MEGF11: variants seen among roughly 807,000 people sequenced by gnomAD.
MEGF11 encodes multiple epidermal growth factor-like domains protein 11.
In MEGF11, 126 loss-of-function variants were observed where a neutral mutation model predicts 146.6. The observed-to-expected ratio is 0.86, with a 90% CI of 0.74 to 1.00. The LOEUF is 1.00. MEGF11 is among the 50% of genes least tolerant of loss of function. The pLI, the probability that MEGF11 is intolerant of heterozygous loss-of-function variation, is 0.00. For synonymous variants in MEGF11, 532 were observed against 583.4 expected, an observed-to-expected ratio of 0.91 and a Z score of 1.27; for missense variants, 1,509 against 1,521.2, an observed-to-expected ratio of 0.99 and a Z score of 0.13.
intron 5 of MEGF11, among the ~76,000 whole-genome samples, chr15:66,057,278 G>A (rs911354742): frequency 6.6e-6 from 1 of 152,296 alleles, no homozygotes; most frequent in African/African-American, 2.4e-5. Context: ...GGCAGCTTGG[G>A]CTGGGAAGAT....
At chr15:66,122,340 T>C (rs28583913) in intron 3 of MEGF11, among the ~76,000 whole-genome samples, 32,158 of 151,602 alleles carry the variant, frequency 0.21, 3,801 homozygotes, top group South Asian at 0.31. Context: ...ATGTTGGAAT[T>C]AGCAGGCAAG....
intron 5 of MEGF11, among the ~76,000 whole-genome samples, chr15:66,085,252 A>C (rs1365128301): frequency 6.6e-6 from 1 of 152,190 alleles, no homozygotes; most frequent in Non-Finnish European, 1.5e-5. Flanking sequence ...TCCTGGTAGC[A>C]GAAGACAAAG....
At chr15:65,958,558 AC>A (rs2080742713) in intron 9 of MEGF11, among the ~76,000 whole-genome samples, 1 of 152,130 alleles carries the variant, frequency 6.6e-6, no homozygotes. Flanking sequence ...CCCCTGCGCC[AC>A]TTCCAGCTGG....
At chr15:66,086,339 T>C (rs2086107590) in intron 5 of MEGF11, among the ~76,000 whole-genome samples, 1 of 152,180 alleles carries the variant, frequency 6.6e-6, no homozygotes, top group South Asian at 2.1e-4. Flanking sequence ...CAAAAAGATC[T>C]TCACCTGGGC....
chr15:65,932,238 CATCA>C lies in MEGF11; in HGVS notation c.1288-1299_1288-1296del, dbSNP rs1172956798. On this transcript the variant is annotated intron_variant, in intron 10 of 25. Transcript: ENST00000395614. The stretch of plus-strand genomic sequence containing the variant: ...AAGGGAGGGAGATCCTTTATGCCTC[CATCA>C]ATCACTGGCCATCCACTGGGATGGG... Among the ~76,000 whole-genome samples, 4 of 152,208 alleles carry C rather than the reference CATCA, an allele frequency of 2.6e-5. No individual in the cohort carries two copies. In the East Asian group the frequency reaches 7.7e-4, roughly 29 times the overall value.
At chr15:66,241,215 T>A (rs2092201301) in intron 1 of MEGF11, among the ~76,000 whole-genome samples, 1 of 152,010 alleles carries the variant, frequency 6.6e-6, no homozygotes, top group Non-Finnish European at 1.5e-5. Context: ...GCCCGCTGAG[T>A]GGAAGACTGT....
chr15:66,126,978 C>T (rs980526348), intron 2 of MEGF11, among the ~76,000 whole-genome samples: 2 of 152,316 alleles, frequency 1.3e-5, no homozygotes, highest in African/African-American at 2.4e-5. Context: ...CCATGATAAC[C>T]AGTTCCTGCA....
chr15:66,085,274 T>A (rs2086060490), intron 5 of MEGF11, among the ~76,000 whole-genome samples: 2 of 152,142 alleles, frequency 1.3e-5, no homozygotes, highest in Admixed American at 6.5e-5. Flanking sequence ...GCATATAATT[T>A]TGGGAGTTCT....
intron 7 of MEGF11, among the ~76,000 whole-genome samples, chr15:65,979,613 T>C (rs1385262774): frequency 6.6e-6 from 1 of 152,308 alleles, no homozygotes; most frequent in East Asian, 1.9e-4. Context: ...TTCAGCTGAC[T>C]CACTGCCTGT....
intron 5 of MEGF11, among the ~76,000 whole-genome samples, chr15:66,073,332 T>G (rs1468129863): frequency 6.6e-6 from 1 of 152,228 alleles, no homozygotes; most frequent in African/African-American, 2.4e-5. Flanking sequence ...TGGCTGTCCC[T>G]GAGAGGCTGT....
intron 1 of MEGF11, among the ~76,000 whole-genome samples, chr15:66,153,519 G>C (rs539920617): frequency 2.6e-5 from 4 of 152,098 alleles, no homozygotes; most frequent in Non-Finnish European, 5.9e-5. Context: ...GTTGCAGTGA[G>C]CCGAGATCAT....
intron 3 of MEGF11, among the ~76,000 whole-genome samples, chr15:66,120,475 G>A (rs1156793484): frequency 6.6e-6 from 1 of 151,788 alleles, no homozygotes; most frequent in Non-Finnish European, 1.5e-5. Flanking sequence ...CAGCAGCAGG[G>A]TCTGGTCATC....
chr15:66,245,488 C>T (rs888159085), intron 1 of MEGF11, among the ~76,000 whole-genome samples: 2 of 151,888 alleles, frequency 1.3e-5, no homozygotes, highest in African/African-American at 4.8e-5. Flanking sequence ...AAAAATTAGC[C>T]AGGCATGGTG....
In MEGF11 at chr15:66,128,490, G is replaced by A. The variant is rs1308027742; in HGVS notation, c.-8-79C>T. 8 of 759,092 alleles carry A rather than the reference G, an allele frequency of 1.1e-5. No individual in the cohort carries two copies. The South Asian group carries it at 2.6e-4, about 24-fold the overall frequency. 47.0% of individuals were successfully genotyped at this position (759,092 alleles called of 1,614,324 possible). A position where few individuals can be genotyped will look rare whatever the true frequency, so the allele number is the denominator to read the frequency against. On this transcript the variant is annotated intron_variant, in intron 1 of 25. Transcript: ENST00000395614. Reference sequence around the variant, plus strand: ...ACTACTTAGTTTCCCATCGTCGTGGGTAATGAGCATTTGATATTTCACATT... The same window carrying A: ...ACTACTTAGTTTCCCATCGTCGTGGATAATGAGCATTTGATATTTCACATT...
At chr15:66,193,756 G>T (rs2090939037) in intron 1 of MEGF11, among the ~76,000 whole-genome samples, 1 of 151,726 alleles carries the variant, frequency 6.6e-6, no homozygotes, top group Admixed American at 6.6e-5. Flanking sequence ...CTGTATATTA[G>T]TTTGCTCAGG....
intron 5 of MEGF11, among the ~76,000 whole-genome samples, chr15:66,001,935 C>T (rs1460823107): frequency 1.3e-5 from 2 of 152,144 alleles, no homozygotes; most frequent in African/African-American, 2.4e-5. Flanking sequence ...GAGAGCTCTG[C>T]GGTCCTCTCC....
intron 5 of MEGF11, among the ~76,000 whole-genome samples, chr15:65,988,680 G>A (rs1051774887): frequency 5.3e-5 from 8 of 152,280 alleles, no homozygotes; most frequent in East Asian, 1.9e-4. Flanking sequence ...TAAATAATGC[G>A]GCCGACCATT....
intron 10 of MEGF11, among the ~76,000 whole-genome samples, chr15:65,957,029 G>T (rs28613547): frequency 5.3e-5 from 8 of 152,232 alleles, no homozygotes; most frequent in African/African-American, 1.9e-4. Flanking sequence ...TCAAGGGTGC[G>T]GTGAGGGAAT....
intron 1 of MEGF11, among the ~76,000 whole-genome samples, chr15:66,242,866 T>C (rs979452466): frequency 9.2e-5 from 14 of 152,170 alleles, no homozygotes; most frequent in Admixed American, 2.6e-4. Context: ...GGCCTATGCA[T>C]AATCTAATTT....
Sources: gnomAD v4.1 joint callset for allele counts (sites outside exome capture counted in the v4.1 genomes callset) on GRCh38, gnomAD v4.1.1 for gene constraint, MANE v1.5 for transcripts, NCBI Gene and HGNC (gene_info 2026-07-23, HGNC 2026-07-21) for gene names.